PRKAG2: variants seen among roughly 807,000 people sequenced by gnomAD.
PRKAG2 encodes protein kinase AMP-activated non-catalytic subunit gamma 2.
A neutral mutation model predicts 69.6 loss-of-function variants in PRKAG2; 26 were observed. That is an observed-to-expected ratio of 0.37 (90% CI 0.27 to 0.52). The LOEUF is 0.52. Among genes scored for constraint, PRKAG2 ranks in the 20% least tolerant of loss-of-function variants. PRKAG2 has a pLI of 0.90. For synonymous variants in PRKAG2, 293 were observed against 285.0 expected (o/e 1.03, Z -0.28); for missense variants, 557 against 740.0 (o/e 0.75, Z 2.87).
chr7:151,779,282 G>A (rs2076553687), intron 3 of PRKAG2, among the ~76,000 whole-genome samples: 5 of 152,208 alleles, frequency 3.3e-5, no homozygotes, highest in Admixed American at 3.3e-4. Context: ...ACCAAATGCT[G>A]TACTGAGCTG....
rs2151880464 is a variant in PRKAG2 at position 151,835,305 on chromosome 7, ACCT to A, written c.114+41199_114+41201del. ...ACGATCTTGGCTCACTGCAGCCTTG[ACCT>A]CCTGGGCTCAAGTGATCCTCCAGGT... On this transcript the variant is annotated intron_variant, in intron 1 of 15. Coordinates refer to ENST00000287878, the MANE Select transcript of PRKAG2 (RefSeq NM_016203.4). This position sits in a 1 kb window ranked among gnomAD's most constrained non-coding sequence, Gnocchi z 4.1. Among the ~76,000 whole-genome samples, 1 of 151,812 alleles carries A rather than the reference ACCT, an allele frequency of 6.6e-6. No homozygotes were observed. The highest frequency in any genetic ancestry group is 1.5e-5 in the Non-Finnish European group (1 of 67,856).
chr7:151,779,433 G>A (rs1490759155), intron 3 of PRKAG2, among the ~76,000 whole-genome samples: 1 of 152,184 alleles, frequency 6.6e-6, no homozygotes, highest in East Asian at 1.9e-4. Context: ...CCACCCCCAT[G>A]GAGGGCTCTG....
chr7:151,653,546 T>C (rs1294996672), intron 4 of PRKAG2, among the ~76,000 whole-genome samples: 2 of 152,182 alleles, frequency 1.3e-5, no homozygotes, highest in African/African-American at 2.4e-5. Context: ...TTTTTTAACA[T>C]GTTACAGACT....
At position 151,724,622 on chromosome 7, in the gene PRKAG2, G is replaced by A. The variant is rs553645491; in HGVS notation, c.467-48985C>T. On this transcript the variant is annotated intron_variant, in intron 3 of 15. Transcript: ENST00000287878. Reference sequence around the variant, plus strand: ...CAGGCGCTCCCTCCCGGCACTTCCCGGGCTTTGGGCACCCTTGCTTCCCTC... The same window carrying A: ...CAGGCGCTCCCTCCCGGCACTTCCCAGGCTTTGGGCACCCTTGCTTCCCTC... Among the ~76,000 whole-genome samples the A allele has an allele frequency of 2.4e-4, 36 of 152,202 alleles. No homozygotes were observed. In the South Asian group the frequency reaches 6.1e-3, roughly 26 times the overall value.
intron 5 of PRKAG2, among the ~76,000 whole-genome samples, chr7:151,597,833 C>G (rs1440395047): frequency 7.4e-6 from 1 of 135,602 alleles, no homozygotes; most frequent in Non-Finnish European, 1.6e-5. Flanking sequence ...CCCCCCCCCG[C>G]TCTTTTATTG....
At chr7:151,587,587 T>C (rs1480942151) in intron 6 of PRKAG2, among the ~76,000 whole-genome samples, 1 of 152,150 alleles carries the variant, frequency 6.6e-6, no homozygotes, top group East Asian at 1.9e-4. Context: ...AAAGGGCACT[T>C]TACCTCTCTC....
intron 4 of PRKAG2, among the ~76,000 whole-genome samples, chr7:151,636,336 C>T (rs1201412235): frequency 6.6e-6 from 1 of 152,128 alleles, no homozygotes; most frequent in Non-Finnish European, 1.5e-5. Context: ...ACCCTCACAC[C>T]CATCCCTAGG....
intron 3 of PRKAG2, among the ~76,000 whole-genome samples, chr7:151,696,608 G>T (rs1264492148): frequency 6.6e-6 from 1 of 152,210 alleles, no homozygotes; most frequent in Non-Finnish European, 1.5e-5. Flanking sequence ...GTTACGAGAG[G>T]TTTCAGGAAG....
At chr7:151,601,851 A>G (rs1180165667) in intron 5 of PRKAG2, among the ~76,000 whole-genome samples, 1 of 152,200 alleles carries the variant, frequency 6.6e-6, no homozygotes, top group Non-Finnish European at 1.5e-5. Context: ...CTGCAAACCA[A>G]TGGAGGGGAC....
Position 151,771,374 on chromosome 7 carries a change from G to A in PRKAG2, c.466+9778C>T, listed in dbSNP as rs1486433597. 6.6e-6 allele frequency among the ~76,000 whole-genome samples: 1 copy of A among 152,204 alleles called. No individual in the cohort carries two copies. Among genetic ancestry groups the A allele is most frequent in the Non-Finnish European group, 1.5e-5 (1 of 68,036 alleles). ...AAACTCAGCACCATTAAATTGGAGT[G>A]AGGCTGGTGGTGGAATGGGAGGTGG... On this transcript the variant is annotated intron_variant, in intron 3 of 15. Coordinates refer to ENST00000287878, the MANE Select transcript of PRKAG2 (RefSeq NM_016203.4). The surrounding 1 kb of genome is among the most constrained non-coding windows in gnomAD (Gnocchi z 4.0).
chr7:151,781,160 G>C lies in PRKAG2; in HGVS notation c.458C>G (p.Ser153Cys), dbSNP rs1586486518. Residue 153 changes from serine to cysteine, a missense_variant, in exon 3 of 16, where the codon TCC becomes TGC. By Grantham distance (112) the Ser-to-Cys change is moderately radical. Transcript: ENST00000287878. This position sits in a 1 kb window ranked among gnomAD's most constrained non-coding sequence, Gnocchi z 6.1. The stretch of plus-strand genomic sequence containing the variant: ...TAGCATCAAGGTCTTACTTTTTCTG[G>C]AGCGGGAGAAAAACCTGATGCCCCC... ...SPGGIRFFSR[S>C]RKTSGLSSSP... The C allele has an allele frequency of 2.5e-6, 4 of 1,613,936 alleles. No individual in the cohort carries two copies. The South Asian group carries it at 4.4e-5, about 18-fold the overall frequency.
intron 5 of PRKAG2, among the ~76,000 whole-genome samples, chr7:151,629,606 A>C (rs1049133193): frequency 1.3e-5 from 2 of 152,200 alleles, no homozygotes; most frequent in Non-Finnish European, 2.9e-5. Flanking sequence ...GGTAGAACTC[A>C]ATCTTTCTTC....
At chr7:151,766,791 A>C (rs2075755165) in intron 3 of PRKAG2, among the ~76,000 whole-genome samples, 1 of 152,010 alleles carries the variant, frequency 6.6e-6, no homozygotes. Context: ...CCTACCACTA[A>C]CTCATCTTTC....
chr7:151,576,371 C>A lies in PRKAG2; in HGVS notation c.946G>T (p.Gly316Ter). 1 of 1,598,702 alleles carries A rather than the reference C, an allele frequency of 6.3e-7. No homozygotes were observed. The highest frequency in any genetic ancestry group is 2.2e-5 in the East Asian group (1 of 44,816). ...TTTTCCTCAGGCCCACACTGCTTACCTACAAAACTTTGTTTTTTACTCTCC... is the reference window on the plus strand; with the variant it reads ...TTTTCCTCAGGCCCACACTGCTTACATACAAAACTTTGTTTTTTACTCTCC... ...LWESKKQSFV[G>*]MLTITDFINI... is the part of the protein sequence containing the mutation. Residue 316 changes from glycine (G) to a stop codon, truncating the protein, a stop_gained and splice_region_variant, in exon 7 of 16, where the codon GGA becomes TGA. Transcript: ENST00000287878. LOFTEE classifies it high-confidence loss of function.
rs920876780 is a variant in PRKAG2, at chr7:151,618,476, A to T, written c.754+13593T>A. On this transcript the variant is annotated intron_variant, in intron 5 of 15. Transcript: ENST00000287878. ...CTCAAAATAAAATAAAATAAAATAAAATAGGCCGGGTGTGGTGGTGGCTCA... is the reference window on the plus strand; with the variant it reads ...CTCAAAATAAAATAAAATAAAATAATATAGGCCGGGTGTGGTGGTGGCTCA... Among the ~76,000 whole-genome samples the T allele has an allele frequency of 3.3e-5, 5 of 151,260 alleles. 1 individual carries two copies. Among genetic ancestry groups the T allele is most frequent in the African/African-American group, 1.2e-4 (5 of 41,108 alleles).
chr7:151,576,535 C>G (rs1485330067), intron 6 of PRKAG2, 83 bp from the exon 7 acceptor site: 1 of 1,251,586 alleles, frequency 8.0e-7, no homozygotes, highest in African/African-American at 1.5e-5. Context: ...AGGTTTCACT[C>G]TGTTGCCCAG....
At chr7:151,663,117 T>C (rs997064697) in intron 4 of PRKAG2, among the ~76,000 whole-genome samples, 2 of 152,004 alleles carry the variant, frequency 1.3e-5, no homozygotes, top group African/African-American at 2.4e-5. Context: ...TCTGAACAAG[T>C]CCCTCCTCTG....
intron 15 of PRKAG2, chr7:151,559,545 A>C (rs1804465224): frequency 2.0e-6 from 2 of 983,840 alleles, no homozygotes; most frequent in Non-Finnish European, 2.4e-6. Context: ...ACCTCGGAAA[A>C]ATCACTGCTG....
rs186183312 is a variant in PRKAG2 at position 151,719,510 on chromosome 7, G to A, written c.467-43873C>T. The stretch of plus-strand genomic sequence containing the variant: ...GGTGCTGGGTCACCCTGAGACTCTC[G>A]CTGTCCAATCTTCCCTGCCACCGTG... On this transcript the variant is annotated intron_variant, in intron 3 of 15. Coordinates refer to ENST00000287878, the MANE Select transcript of PRKAG2 (RefSeq NM_016203.4). The surrounding 1 kb of genome is among the most constrained non-coding windows in gnomAD (Gnocchi z 5.2). Among the ~76,000 whole-genome samples the A allele has an allele frequency of 8.3e-3, 1,257 of 152,144 alleles. 14 individuals are homozygous for A. The highest frequency in any genetic ancestry group is 9.5e-3 in the Non-Finnish European group (646 of 68,006).
Sources: gnomAD v4.1 joint callset for allele counts (sites outside exome capture counted in the v4.1 genomes callset) on GRCh38, gnomAD v4.1.1 for gene constraint, Gnocchi (gnomAD v3.1) non-coding constraint, MANE v1.5 for transcripts, NCBI Gene and HGNC (gene_info 2026-07-23, HGNC 2026-07-21) for gene names.